HMCN1: variants seen among roughly 807,000 people sequenced by gnomAD.
The protein encoded by HMCN1 is hemicentin 1.
A neutral mutation model predicts 625.9 loss-of-function variants in HMCN1; 321 were observed. The ratio of observed to expected loss-of-function variants is 0.51; its 90% CI spans 0.47 to 0.56. HMCN1 has a LOEUF of 0.56. HMCN1 is among the 20% of genes least tolerant of loss of function. The pLI is 0.00. For missense variants in HMCN1, 6,588 were observed against 6,887.3 expected (o/e 0.96, Z 1.54); for synonymous variants, 2,425 against 2,417.6 (o/e 1.00, Z -0.09).
At chr1:185,777,980 C>T (rs990215203) in intron 1 of HMCN1, among the ~76,000 whole-genome samples, 2 of 152,160 alleles carry the variant, frequency 1.3e-5, no homozygotes, top group Non-Finnish European at 2.9e-5. Context: ...CTGTCTATGG[C>T]AGTGGATGGA....
In HMCN1 at chr1:185,756,466, T is replaced by C. The variant is rs1258987944; in HGVS notation, c.268+21419T>C. 6.0e-5 allele frequency among the ~76,000 whole-genome samples: 9 copies of C among 150,224 alleles called. No homozygotes were observed. The East Asian group carries it at 1.7e-3, about 29-fold the overall frequency. On this transcript the variant is annotated intron_variant, in intron 1 of 106. Coordinates refer to ENST00000271588, the MANE Select transcript of HMCN1 (RefSeq NM_031935.3). The stretch of plus-strand genomic sequence containing the variant: ...GCAACTTGATACATTTTCTCCTAAT[T>C]TGACCTCAGGGTAAAAAAAAAAAAA...
chr1:186,151,114 A>G (rs944719584), intron 93 of HMCN1, 86 bp from the exon 94 acceptor site: 17 of 1,297,336 alleles, frequency 1.3e-5, no homozygotes, highest in African/African-American at 1.5e-5. Context: ...GATTTGTAGC[A>G]TCTCTGAATA....
chr1:185,939,722 G>C (rs983557859), intron 11 of HMCN1, among the ~76,000 whole-genome samples: 7 of 151,772 alleles, frequency 4.6e-5, no homozygotes, highest in Admixed American at 2.0e-4. Context: ...TCTTCTCTTT[G>C]TTTTCTAGAT....
chr1:186,155,537 AGAT>A (rs1158883475), intron 97 of HMCN1, among the ~76,000 whole-genome samples: 1 of 152,210 alleles, frequency 6.6e-6, no homozygotes, highest in Non-Finnish European at 1.5e-5. Context: ...ATCTGGAACT[AGAT>A]GAATTAAAAT....
intron 11 of HMCN1, among the ~76,000 whole-genome samples, chr1:185,942,942 C>T (rs978644849): frequency 6.6e-6 from 1 of 151,576 alleles, no homozygotes; most frequent in Admixed American, 6.6e-5. Flanking sequence ...ATAATGGATA[C>T]TGCAAGAGGG....
rs116616714 is a variant in HMCN1, at chr1:186,047,419, G to A, written c.6481-1324G>A. Among the ~76,000 whole-genome samples the A allele has an allele frequency of 9.1e-4, 139 of 152,256 alleles. 1 individual carries two copies. The highest frequency in any genetic ancestry group is 1.9e-3 in the East Asian group (10 of 5,170). ...CTCAGTGAGTACAGAAGTTCGTCAC[G>A]TTGAGGGGTTTAGGGAGAAGATCAG... On this transcript the variant is annotated intron_variant, in intron 41 of 106. Coordinates refer to ENST00000271588, the MANE Select transcript of HMCN1 (RefSeq NM_031935.3).
Position 185,734,787 on chromosome 1 carries a change from C to A in HMCN1, c.8C>A (p.Ser3Tyr), listed in dbSNP as rs761062421. ...AGGGGGAAAAAAAAGAAAATGATTTCCTGGGAAGTTGTCCATACAGTATTC... is the reference window on the plus strand; with the variant it reads ...AGGGGGAAAAAAAAGAAAATGATTTACTGGGAAGTTGTCCATACAGTATTC... MI[S>Y]WEVVHTVFLF... Residue 3 changes from serine to tyrosine, a missense_variant, in exon 1 of 107, where the codon TCC becomes TAC. By Grantham distance (144) the Ser-to-Tyr change is moderately radical (BLOSUM62 -2). This residue lies in a region of HMCN1 where 4,628 missense variants were observed against 4,853.1 expected (regional missense o/e 0.95). Transcript: ENST00000271588. The A allele has an allele frequency of 2.0e-5, 33 of 1,613,988 alleles. No homozygotes were observed. Among genetic ancestry groups the A allele is most frequent in the Non-Finnish European group, 2.6e-5 (31 of 1,179,988 alleles).
chr1:186,007,044 C>G (rs1187468700), intron 29 of HMCN1, 84 bp from the exon 30 acceptor site: 8 of 1,005,780 alleles, frequency 8.0e-6, no homozygotes, highest in Non-Finnish European at 1.3e-5. Flanking sequence ...TATTTTTAGC[C>G]TGTACTAATG....
chr1:185,833,068 T>A (rs1660962296), intron 1 of HMCN1, among the ~76,000 whole-genome samples: 1 of 152,196 alleles, frequency 6.6e-6, no homozygotes, highest in Admixed American at 6.5e-5. Flanking sequence ...TATTTCAACT[T>A]GTTATTTTGT....
intron 1 of HMCN1, among the ~76,000 whole-genome samples, chr1:185,735,415 A>C (rs1396082428): frequency 6.6e-6 from 1 of 152,242 alleles, no homozygotes; most frequent in Non-Finnish European, 1.5e-5. Flanking sequence ...AATTTATAGC[A>C]GCGAAGCTCT....
At chr1:185,802,646 G>T (rs1444287164) in intron 1 of HMCN1, among the ~76,000 whole-genome samples, 1 of 152,148 alleles carries the variant, frequency 6.6e-6, no homozygotes, top group African/African-American at 2.4e-5. Context: ...GGTACCAAAT[G>T]CTGTTGAGAG....
rs538195820 is a variant in HMCN1 at position 186,033,107 on chromosome 1, A to G, written c.5750-4827A>G. 1.1e-3 allele frequency among the ~76,000 whole-genome samples: 164 copies of G among 151,536 alleles called. No individual in the cohort carries two copies. The Middle Eastern group carries it at 0.024, about 22-fold the overall frequency. On this transcript the variant is annotated intron_variant, in intron 36 of 106. Transcript: ENST00000271588. ...ACACACACACACACCATGGAATACT[A>G]CTCAACCATAAAAAGGAATGAAATA...
At chr1:185,956,721 C>T (rs1448483839) in intron 11 of HMCN1, among the ~76,000 whole-genome samples, 1 of 152,164 alleles carries the variant, frequency 6.6e-6, no homozygotes, top group Admixed American at 6.6e-5. Flanking sequence ...TCTCCTCTCC[C>T]TTCCCTGGAT....
At chr1:186,132,474 T>A in intron 86 of HMCN1, 65 bp downstream of exon 86, 1 of 1,273,734 alleles carries the variant, frequency 7.9e-7, no homozygotes, top group Non-Finnish European at 1.1e-6. Context: ...AAAGAGTATT[T>A]ATTTTCTTTA....
intron 4 of HMCN1, among the ~76,000 whole-genome samples, chr1:185,887,293 AATTT>A (rs564098888): frequency 2.6e-5 from 4 of 151,810 alleles, no homozygotes; most frequent in Admixed American, 6.6e-5. Context: ...TCTTAAATGA[AATTT>A]ATTTATTTAT....
rs775036108 is a variant in HMCN1 at position 186,063,067 on chromosome 1, CATATATATATATATATATAT to C, written c.7513+484_7513+503del. ...GTGTGTGTGTGTGTGTGTGTGTGTG[CATATATATATATATATATAT>C]ATATATATATATATATCACATTTTC... is the stretch of plus-strand genomic sequence containing the variant. On this transcript the variant is annotated intron_variant, in intron 48 of 106. Coordinates refer to ENST00000271588, the MANE Select transcript of HMCN1 (RefSeq NM_031935.3). Among the ~76,000 whole-genome samples the C allele has an allele frequency of 6.7e-4, 40 of 59,840 alleles. 3 individuals are homozygous for C. The South Asian group carries it at 7.1e-3, about 11-fold the overall frequency. 39.3% of individuals were successfully genotyped at this position (59,840 alleles called of 152,430 possible).
intron 39 of HMCN1, among the ~76,000 whole-genome samples, chr1:186,040,323 A>C (rs914687523): frequency 2.6e-5 from 4 of 152,170 alleles, no homozygotes; most frequent in African/African-American, 4.8e-5. Context: ...TAGTAAGAAA[A>C]AATATAATTA....
intron 1 of HMCN1, among the ~76,000 whole-genome samples, chr1:185,829,985 A>G (rs959002253): frequency 2.0e-5 from 3 of 152,044 alleles, no homozygotes; most frequent in African/African-American, 7.2e-5. Context: ...ATTTGCATTT[A>G]TCTGATGATT....
Position 185,928,679 on chromosome 1 carries a change from T to C in HMCN1, c.1552+12T>C. On this transcript the variant is annotated intron_variant, in intron 10 of 106. Transcript: ENST00000271588. ...TTTTGACGTATCAGGTAATTACCAC[T>C]AATTTCTTTGCAGTTGCCCAAGTAT... is the stretch of plus-strand genomic sequence containing the variant. The C allele has an allele frequency of 6.2e-7, 1 of 1,612,782 alleles. No homozygotes were observed. The highest frequency in any genetic ancestry group is 8.5e-7 in the Non-Finnish European group (1 of 1,178,922).
Sources: allele counts gnomAD v4.1 joint callset (sites outside exome capture counted in the v4.1 genomes callset), GRCh38; gene constraint gnomAD v4.1.1; regional missense constraint gnomAD v4.1.1; transcripts MANE v1.5; gene names NCBI Gene and HGNC (gene_info 2026-07-23, HGNC 2026-07-21).